RTL4: variants seen among roughly 807,000 people sequenced by gnomAD.
RTL4 encodes the protein retrotransposon Gag like 4, also known as retrotransposon Gag-like protein 4.
A neutral mutation model predicts 5.3 loss-of-function variants in RTL4; 4 were observed. The ratio of observed to expected loss-of-function variants is 0.75; its 90% CI spans 0.37 to 1.72. The LOEUF is 1.72. RTL4 is among the 40% of genes most tolerant of loss of function. The pLI is 0.04. For synonymous variants in RTL4, 98 were observed against 87.3 expected, an observed-to-expected ratio of 1.12 and a Z score of -0.68; for missense variants, 260 against 227.1, an observed-to-expected ratio of 1.14 and a Z score of -0.93.
chrX:112,401,507 C>T, the RTL4 span, among the ~76,000 whole-genome samples: 1 of 111,889 alleles, frequency 8.9e-6, no homozygotes, highest in Non-Finnish European at 1.9e-5. Context: ...GATTCTAGTC[C>T]ATGCTGTGCC....
the RTL4 span, among the ~76,000 whole-genome samples, chrX:112,132,182 A>G: frequency 4.4e-4 from 49 of 111,638 alleles, 1 homozygote; most frequent in Non-Finnish European, 9.4e-5. Flanking sequence ...AACATACCAC[A>G]CAACACAAAA....
the RTL4 span, among the ~76,000 whole-genome samples, chrX:112,298,806 C>T: frequency 2.7e-5 from 3 of 112,360 alleles, no homozygotes; most frequent in African/African-American, 6.5e-5. Flanking sequence ...GAGCTTTCAC[C>T]GGCACTCAGG....
chrX:112,392,007 A>G, the RTL4 span, among the ~76,000 whole-genome samples: 2 of 111,595 alleles, frequency 1.8e-5, no homozygotes, highest in African/African-American at 6.5e-5. Flanking sequence ...CTGTCTGGTG[A>G]TGAGCAGGGT....
the RTL4 span, among the ~76,000 whole-genome samples, chrX:112,242,204 T>C: frequency 8.9e-6 from 1 of 111,918 alleles, no homozygotes; most frequent in Admixed American, 9.5e-5. Context: ...CACATGAAGT[T>C]TAAAGTAGTT....
the RTL4 span, among the ~76,000 whole-genome samples, chrX:112,239,791 A>G: frequency 1.8e-5 from 2 of 111,734 alleles, no homozygotes; most frequent in South Asian, 7.6e-4. Flanking sequence ...ACACACAGAA[A>G]CTGAATAACC....
chrX:112,417,188 A>T, the RTL4 span, among the ~76,000 whole-genome samples: 1 of 111,698 alleles, frequency 9.0e-6, no homozygotes, highest in African/African-American at 3.2e-5. Flanking sequence ...TATGAGGGAC[A>T]TATCATTCAG....
At chrX:112,391,967 T>C in the RTL4 span, among the ~76,000 whole-genome samples, 1 of 109,704 alleles carries the variant, frequency 9.1e-6, no homozygotes, top group Non-Finnish European at 1.9e-5. Flanking sequence ...GGATGGAGGG[T>C]CTGTGTTTGG....
At chrX:112,183,810 T>A in the RTL4 span, among the ~76,000 whole-genome samples, 1 of 111,787 alleles carries the variant, frequency 8.9e-6, no homozygotes, top group Non-Finnish European at 1.9e-5. Flanking sequence ...ACTTAAAGTA[T>A]AATAAAAAAT....
At chrX:112,315,357 A>G in the RTL4 span, among the ~76,000 whole-genome samples, 5 of 111,291 alleles carry the variant, frequency 4.5e-5, no homozygotes, top group African/African-American at 1.6e-4. Flanking sequence ...AAAATCTTCC[A>G]GCAAAATAGC....
At chrX:112,185,169 G>A in the RTL4 span, among the ~76,000 whole-genome samples, 3 of 109,785 alleles carry the variant, frequency 2.7e-5, no homozygotes, top group Non-Finnish European at 5.7e-5. Context: ...TCCCAATCTA[G>A]TGTACTTTAT....
At chrX:112,103,153 T>C in the RTL4 span, among the ~76,000 whole-genome samples, 6 of 111,783 alleles carry the variant, frequency 5.4e-5, no homozygotes. Context: ...GCAGCACTAT[T>C]CACAATGGCA....
the RTL4 span, among the ~76,000 whole-genome samples, chrX:112,314,433 G>T: frequency 9.2e-6 from 1 of 108,748 alleles, no homozygotes; most frequent in Admixed American, 1.0e-4. Flanking sequence ...AACAACAGAG[G>T]TGCTGCACCT....
chrX:112,256,110 T>C, the RTL4 span, among the ~76,000 whole-genome samples: 1 of 112,491 alleles, frequency 8.9e-6, no homozygotes, highest in African/African-American at 3.2e-5. Flanking sequence ...TATGCAATGA[T>C]ATTTTTAACT....
chrX:112,444,690 T>C, the RTL4 span, among the ~76,000 whole-genome samples: 2 of 111,866 alleles, frequency 1.8e-5, no homozygotes, highest in African/African-American at 3.2e-5. Flanking sequence ...ATTATGGCTT[T>C]GATTTCATTG....
At chrX:112,327,640 C>G in the RTL4 span, among the ~76,000 whole-genome samples, 3 of 109,340 alleles carry the variant, frequency 2.7e-5, no homozygotes, top group African/African-American at 6.7e-5. Flanking sequence ...CATTCAGATT[C>G]AGGAAATACA....
At chrX:112,178,667 T>G in the RTL4 span, among the ~76,000 whole-genome samples, 1 of 112,129 alleles carries the variant, frequency 8.9e-6, no homozygotes, top group Admixed American at 9.5e-5. Context: ...AGATACTGAT[T>G]TATGATTATC....
chrX:112,408,248 T>A, the RTL4 span, among the ~76,000 whole-genome samples: 4 of 110,665 alleles, frequency 3.6e-5, no homozygotes, highest in South Asian at 3.8e-4. Context: ...TCAAAGAAAT[T>A]CCAGGTAACA....
At chrX:112,205,745 A>G in the RTL4 span, among the ~76,000 whole-genome samples, 322 of 111,827 alleles carry the variant, frequency 2.9e-3, no homozygotes, top group African/African-American at 9.6e-3. Flanking sequence ...GTAATTATAA[A>G]TCTATTTCAC....
the RTL4 span, among the ~76,000 whole-genome samples, chrX:112,310,321 T>C: frequency 9.9e-5 from 6 of 60,764 alleles, no homozygotes; most frequent in Non-Finnish European, 1.8e-4. Context: ...GTTTGCAAGC[T>C]AAGAAGAGAG....
Sources: gnomAD v4.1 joint callset for allele counts (sites outside exome capture counted in the v4.1 genomes callset) on GRCh38, gnomAD v4.1.1 for gene constraint, MANE v1.5 for transcripts, NCBI Gene and HGNC (gene_info 2026-07-23, HGNC 2026-07-21) for gene names.